The following PLPP4 variants were observed in gnomAD, a reference collection of about 807,000 sequenced individuals.
The protein encoded by PLPP4 is phospholipid phosphatase 4, also known as diacylglycerol pyrophosphate like 2.
In PLPP4, 20 loss-of-function variants were observed where a neutral mutation model predicts 32.2. The observed-to-expected ratio is 0.62, with a 90% CI of 0.44 to 0.90. PLPP4 has a LOEUF of 0.90. PLPP4 is among the 40% of genes least tolerant of loss of function. PLPP4 has a pLI of 0.00. For synonymous variants in PLPP4, 127 were observed against 133.0 expected (o/e 0.95, Z 0.31); for missense variants, 257 against 353.1 (o/e 0.73, Z 2.18).
chr10:120,461,665 A>G (rs1019920627), intron 1 of PLPP4, among the ~76,000 whole-genome samples: 40 of 152,240 alleles, frequency 2.6e-4, no homozygotes, highest in African/African-American at 8.4e-4. Flanking sequence ...AGAGAAGGCC[A>G]GGTGGCCCCC....
intron 1 of PLPP4, among the ~76,000 whole-genome samples, chr10:120,471,585 C>T (rs1402768283): frequency 1.3e-5 from 2 of 151,992 alleles, no homozygotes; most frequent in Non-Finnish European, 2.9e-5. Context: ...GAAGTCTGCA[C>T]AGGTTATCTT....
intron 5 of PLPP4, among the ~76,000 whole-genome samples, chr10:120,563,838 T>C (rs913807655): frequency 8.1e-6 from 1 of 123,766 alleles, no homozygotes; most frequent in Non-Finnish European, 1.7e-5. Context: ...AAAAAAAAAA[T>C]CTTGAATTTT....
At chr10:120,541,576 G>T (rs1011812967) in intron 5 of PLPP4, among the ~76,000 whole-genome samples, 1 of 152,118 alleles carries the variant, frequency 6.6e-6, no homozygotes, top group African/African-American at 2.4e-5. Context: ...TGCTGTGAGG[G>T]GGGACATATA....
At chr10:120,487,314 A>G (rs184444057) in intron 1 of PLPP4, among the ~76,000 whole-genome samples, 1 of 152,220 alleles carries the variant, frequency 6.6e-6, no homozygotes, top group African/African-American at 2.4e-5. Flanking sequence ...GCTATTACAC[A>G]TTGAGATGGG....
intron 5 of PLPP4, among the ~76,000 whole-genome samples, chr10:120,567,889 T>C (rs1848761508): frequency 6.6e-6 from 1 of 152,238 alleles, no homozygotes; most frequent in Non-Finnish European, 1.5e-5. Flanking sequence ...TTTCAAATAA[T>C]GAGGCTACTA....
At chr10:120,584,433 T>A (rs56719061) in intron 6 of PLPP4, among the ~76,000 whole-genome samples, 10,649 of 152,314 alleles carry the variant, frequency 0.07, 622 homozygotes, top group African/African-American at 0.16. Flanking sequence ...GTTCAGCCTG[T>A]GTCCTAGGCT....
chr10:120,543,482 A>T (rs1453981877), intron 5 of PLPP4, among the ~76,000 whole-genome samples: 1 of 152,124 alleles, frequency 6.6e-6, no homozygotes, highest in African/African-American at 2.4e-5. Flanking sequence ...CCAGATTGGC[A>T]GATGCTCAAT....
At chr10:120,541,576 G>C (rs1011812967) in intron 5 of PLPP4, among the ~76,000 whole-genome samples, 2 of 152,118 alleles carry the variant, frequency 1.3e-5, no homozygotes, top group Non-Finnish European at 2.9e-5. Flanking sequence ...TGCTGTGAGG[G>C]GGGACATATA....
At chr10:120,531,262 C>T (rs1023366846) in intron 5 of PLPP4, among the ~76,000 whole-genome samples, 2 of 151,706 alleles carry the variant, frequency 1.3e-5, no homozygotes, top group Admixed American at 6.6e-5. Flanking sequence ...CGTGCCACCA[C>T]GCCCAGCTAA....
intron 1 of PLPP4, chr10:120,503,554 T>TACTCCC: frequency 6.2e-7 from 1 of 1,605,272 alleles, no homozygotes; most frequent in Non-Finnish European, 8.5e-7. Flanking sequence ...CCTTGGAGTC[T>TACTCCC]TTGTACACAC....
At chr10:120,584,325 C>T (rs965038865) in intron 6 of PLPP4, among the ~76,000 whole-genome samples, 1 of 152,230 alleles carries the variant, frequency 6.6e-6, no homozygotes, top group Non-Finnish European at 1.5e-5. Flanking sequence ...CTTCATGGTG[C>T]TTACCATAGC....
intron 1 of PLPP4, among the ~76,000 whole-genome samples, chr10:120,488,800 A>G (rs980978115): frequency 1.3e-4 from 20 of 152,228 alleles, no homozygotes; most frequent in Non-Finnish European, 1.5e-4. Context: ...ATTTTCAAAA[A>G]TAGTCATAAT....
In PLPP4 at chr10:120,575,380, A is replaced by G. The variant is rs573954958; in HGVS notation, c.616+79A>G. On this transcript the variant is annotated intron_variant, in intron 6 of 6. Transcript: ENST00000398250. ...CAGGGATGGGTGTAGAAATGCACCA[A>G]TTGTGGGGAGCTAAGTGCCCATTGT... 100 of 1,454,116 alleles carry G rather than the reference A, an allele frequency of 6.9e-5. 1 individual carries two copies. Among genetic ancestry groups the G allele is most frequent in the South Asian group, 3.7e-4 (29 of 78,186 alleles). The allele number at this position is 1,454,116 out of a possible 1,614,324, so 90.1% of individuals were successfully genotyped here. A position where few individuals can be genotyped will look rare whatever the true frequency, so the allele number is the denominator to read the frequency against.
Position 120,503,940 on chromosome 10 carries a change from T to C in PLPP4, c.165+14T>C. ...CGCCTCATGTTTGTAAGTACCATGA[T>C]TTCATTCCTTATTTGACTGCTCTCT... is the stretch of plus-strand genomic sequence containing the variant. On this transcript the variant is annotated intron_variant, in intron 2 of 6. Transcript: ENST00000398250. 1 of 1,514,636 alleles carries C rather than the reference T, an allele frequency of 6.6e-7. No individual in the cohort carries two copies. The highest frequency in any genetic ancestry group is 1.4e-5 in the African/African-American group (1 of 72,948). 93.8% of individuals were successfully genotyped at this position (1,514,636 alleles called of 1,614,324 possible). A position where few individuals can be genotyped will look rare whatever the true frequency, so the allele number is the denominator to read the frequency against.
chr10:120,590,466 G>A lies in PLPP4; in HGVS notation c.*964G>A, dbSNP rs1340706769. 2.0e-5 allele frequency among the ~76,000 whole-genome samples: 3 copies of A among 152,210 alleles called. No individual in the cohort carries two copies. The highest frequency in any genetic ancestry group is 7.2e-5 in the African/African-American group (3 of 41,444). Reference sequence around the variant, plus strand: ...TGCTCTAAGGATTCTCCAAGTGGTGGTGTGTTCCTGTTCCTATCTAGCTGG... The same window carrying A: ...TGCTCTAAGGATTCTCCAAGTGGTGATGTGTTCCTGTTCCTATCTAGCTGG... On this transcript the variant is annotated 3_prime_UTR_variant, in exon 7 of 7. Coordinates refer to ENST00000398250, the MANE Select transcript of PLPP4 (RefSeq NM_001030059.3).
chr10:120,538,396 T>G (rs1275921653), intron 5 of PLPP4, among the ~76,000 whole-genome samples: 3 of 152,096 alleles, frequency 2.0e-5, no homozygotes, highest in Non-Finnish European at 4.4e-5. Context: ...AGACCAATGC[T>G]TCTTTCCTTT....
intron 5 of PLPP4, among the ~76,000 whole-genome samples, chr10:120,541,071 A>T (rs1847318656): frequency 6.6e-6 from 1 of 152,234 alleles, no homozygotes; most frequent in African/African-American, 2.4e-5. Flanking sequence ...CCTTTTTAGG[A>T]CTTTACCTGG....
intron 5 of PLPP4, among the ~76,000 whole-genome samples, chr10:120,564,233 G>C (rs1848583772): frequency 6.6e-6 from 1 of 151,792 alleles, no homozygotes; most frequent in Admixed American, 6.6e-5. Context: ...ACCCACAGTT[G>C]TTTAGTAGAG....
intron 1 of PLPP4, among the ~76,000 whole-genome samples, chr10:120,472,342 GA>G (rs1284641974): frequency 4.6e-5 from 7 of 152,076 alleles, no homozygotes; most frequent in Non-Finnish European, 8.8e-5. Context: ...ATTTTTGAAA[GA>G]TTTTTTTGGT....
Sources: gnomAD v4.1 joint callset for allele counts (sites outside exome capture counted in the v4.1 genomes callset) on GRCh38, gnomAD v4.1.1 for gene constraint, MANE v1.5 for transcripts, NCBI Gene and HGNC (gene_info 2026-07-23, HGNC 2026-07-21) for gene names.